The following MAGEC3 variants were observed in gnomAD, a reference collection of about 807,000 sequenced individuals.
The protein encoded by MAGEC3 is MAGE family member C3, also known as melanoma-associated antigen C3.
A neutral mutation model predicts 35.3 loss-of-function variants in MAGEC3; 34 were observed. The ratio of observed to expected loss-of-function variants is 0.96; its 90% CI spans 0.73 to 1.28. MAGEC3 has a LOEUF of 1.28. MAGEC3 is among the 50% of genes most tolerant of loss of function. MAGEC3 has a pLI of 0.00. For missense variants in MAGEC3, 561 were observed against 483.6 expected (o/e 1.16, Z -1.50); for synonymous variants, 202 against 185.6 (o/e 1.09, Z -0.72).
chrX:141,867,711 A>G (rs761223938), intron 2 of MAGEC3, among the ~76,000 whole-genome samples: 1 of 111,389 alleles, frequency 9.0e-6, no homozygotes, highest in South Asian at 3.8e-4. Context: ...CTGATATTTT[A>G]CCTTGAGGGT....
At position 141,897,082 on chromosome X, in the gene MAGEC3, T is replaced by G. The variant is rs1160252911; in HGVS notation, c.1324T>G (p.Trp442Gly). The G allele has an allele frequency of 8.3e-7, 1 of 1,209,886 alleles. No homozygotes were observed. Among genetic ancestry groups the G allele is most frequent in the Non-Finnish European group, 1.1e-6 (1 of 895,187 alleles). The change falls in exon 7 of 8, where the codon TGG becomes GGG. Residue 442 changes from tryptophan to glycine, a missense_variant. Transcript: ENST00000298296. ...CAGTGAAGAGGAGGATACAGCTACTTGGCATGCCTTGCCAGAAAGTGAATC... is the reference window on the plus strand; with the variant it reads ...CAGTGAAGAGGAGGATACAGCTACTGGGCATGCCTTGCCAGAAAGTGAATC... The part of the protein sequence containing the change: ...SSSEEEDTAT[W>G]HALPESESLP...
At chrX:141,856,585 C>A (rs1268378708) in intron 1 of MAGEC3, among the ~76,000 whole-genome samples, 1 of 111,111 alleles carries the variant, frequency 9.0e-6, no homozygotes, top group African/African-American at 3.3e-5. Context: ...AAAACTATAT[C>A]AATATGTTGA....
intron 4 of MAGEC3, chrX:141,894,830 T>G (rs1422553547): frequency 7.0e-6 from 6 of 855,632 alleles, no homozygotes; most frequent in Non-Finnish European, 8.6e-6. Context: ...CAGGGAGAGG[T>G]GGGCGAAGGG....
intron 2 of MAGEC3, among the ~76,000 whole-genome samples, chrX:141,875,684 T>C (rs2017915742): frequency 8.9e-6 from 1 of 111,923 alleles, no homozygotes; most frequent in African/African-American, 3.2e-5. Context: ...GGTAAAAGAA[T>C]AGGTTTCCAT....
At chrX:141,895,682 C>A in intron 6 of MAGEC3, 123 bp downstream of exon 6, 1 of 469,852 alleles carries the variant, frequency 2.1e-6, no homozygotes, top group Non-Finnish European at 3.0e-6. Context: ...TAGAGCTCCT[C>A]AGTCAGCTCA....
At chrX:141,839,359 A>G (rs1200826216) in intron 1 of MAGEC3, 48 of 713,365 alleles carry the variant, frequency 6.7e-5, no homozygotes, top group Non-Finnish European at 7.6e-5. Context: ...GGTTTCCAAG[A>G]AATAATTTTT....
chrX:141,865,360 A>G (rs2124100397), intron 1 of MAGEC3, 111 bp from the exon 2 acceptor site: 8 of 714,417 alleles, frequency 1.1e-5, no homozygotes, highest in South Asian at 6.6e-5. Flanking sequence ...TTTTTTCTCT[A>G]ATTGCTTTCA....
intron 1 of MAGEC3, among the ~76,000 whole-genome samples, chrX:141,846,360 G>A (rs1263637049): frequency 9.1e-6 from 1 of 110,146 alleles, no homozygotes; most frequent in Non-Finnish European, 1.9e-5. Context: ...GGGAGTGGGT[G>A]ATGAGATTTA....
intron 6 of MAGEC3, chrX:141,896,654 T>G (rs770414814): frequency 8.3e-7 from 1 of 1,206,491 alleles, no homozygotes; most frequent in Admixed American, 2.2e-5. Flanking sequence ...ACAGGCCTCA[T>G]GCCTCTCTTT....
intron 4 of MAGEC3, among the ~76,000 whole-genome samples, chrX:141,885,679 A>T: frequency 9.2e-6 from 1 of 108,449 alleles, no homozygotes. Flanking sequence ...AAAAAAAAAA[A>T]AAAAAAAAAG....
intron 2 of MAGEC3, 128 bp downstream of exon 2, chrX:141,865,733 C>T: frequency 1.4e-6 from 1 of 735,718 alleles, no homozygotes; most frequent in Non-Finnish European, 1.9e-6. Context: ...TGTCCGTAGA[C>T]TTCATTTTTG....
chrX:141,895,284 G>A lies in MAGEC3; in HGVS notation c.925G>A (p.Ala309Thr), dbSNP rs752970609. 4.1e-6 allele frequency: 5 copies of A among 1,207,648 alleles called. No homozygotes were observed. In the East Asian group the frequency reaches 1.5e-4, roughly 36 times the overall value. ...LNAIGPWSAL[A>T]GFADVLSRLA... ...CTGCTGTCAGCCCTGGTCAGCCTTG[G>A]CAGGGTTCGCGGATGTGCTTTCCCG... Residue 309 changes from alanine (A) to threonine (T), a missense_variant, in exon 5 of 8, where the codon GCA (alanine) becomes ACA (threonine). By Grantham distance (58) the Ala-to-Thr change is moderately conservative (BLOSUM62 0). Transcript: ENST00000298296.
chrX:141,851,730 C>T (rs146831296), intron 1 of MAGEC3, among the ~76,000 whole-genome samples: 1,642 of 110,834 alleles, frequency 0.015, 15 homozygotes, highest in Non-Finnish European at 0.024. Flanking sequence ...TCTTAGGACC[C>T]TTCTTGGCAA....
In MAGEC3 at chrX:141,895,514, C is replaced by T. The variant is rs1030898483; in HGVS notation, c.1078C>T (p.Arg360Cys). Residue 360 changes from arginine (R) to cysteine (C), a missense_variant, in exon 6 of 8, where the codon CGC becomes TGC. Arg to Cys is a radical substitution (Grantham distance 180, BLOSUM62 -3). Coordinates refer to ENST00000298296, the MANE Select transcript of MAGEC3 (RefSeq NM_138702.1). ...GLAGHRQEDGRRGLTEASPQQ... is the reference protein window; with the variant it reads ...GLAGHRQEDGCRGLTEASPQQ... ...TGCAGGCCACAGACAGGAAGATGGC[C>T]GCCGAGGGCTGACCGAGGCGTCCCC... 5.0e-6 allele frequency: 6 copies of T among 1,207,275 alleles called. No individual in the cohort carries two copies. The highest frequency in any genetic ancestry group is 3.0e-5 in the East Asian group (1 of 33,645).
chrX:141,874,937 G>A (rs142742916), intron 2 of MAGEC3, among the ~76,000 whole-genome samples: 1,340 of 111,271 alleles, frequency 0.012, 12 homozygotes, highest in Non-Finnish European at 0.02. Flanking sequence ...CTAAAAGAAG[G>A]GATCTCTATG....
intron 1 of MAGEC3, 123 bp from the exon 2 acceptor site, chrX:141,865,347 AT>A (rs758438365): frequency 9.6e-6 from 6 of 625,745 alleles, no homozygotes; most frequent in South Asian, 8.4e-5. Context: ...TTAATTTGAC[AT>A]TTTTTTTCTC....
At chrX:141,860,296 T>C (rs892777575) in intron 1 of MAGEC3, among the ~76,000 whole-genome samples, 8 of 111,684 alleles carry the variant, frequency 7.2e-5, no homozygotes, top group African/African-American at 2.6e-4. Context: ...ACAAGTATAG[T>C]TGGCACTTTG....
intron 3 of MAGEC3, 143 bp downstream of exon 3, chrX:141,879,574 G>A: frequency 2.7e-6 from 2 of 731,721 alleles, no homozygotes; most frequent in Non-Finnish European, 3.9e-6. Flanking sequence ...GCAGGAAGGG[G>A]TGGAGAAGGG....
At chrX:141,876,152 C>T (rs751873118) in intron 2 of MAGEC3, among the ~76,000 whole-genome samples, 3 of 112,195 alleles carry the variant, frequency 2.7e-5, no homozygotes, top group East Asian at 2.8e-4. Context: ...ATTCCCATCA[C>T]ATTTGGGCAA....
Sources: gnomAD v4.1 joint callset for allele counts (sites outside exome capture counted in the v4.1 genomes callset) on GRCh38, gnomAD v4.1.1 for gene constraint, MANE v1.5 for transcripts, NCBI Gene and HGNC (gene_info 2026-07-23, HGNC 2026-07-21) for gene names.